Variants in SRD5A2 observed in about 807,000 individuals in gnomAD.
SRD5A2 encodes the protein 3-oxo-5-alpha-steroid 4-dehydrogenase 2.
Under a neutral mutation model 27.4 loss-of-function variants are expected in SRD5A2, and 30 were observed. That is an observed-to-expected ratio of 1.10 (90% CI 0.82 to 1.49). The LOEUF (loss-of-function observed/expected upper bound fraction) is 1.49, where lower values mean the gene tolerates loss of function less well. Ranked by LOEUF, SRD5A2 falls within the 40% of genes most tolerant of loss-of-function variation. The probability of loss-of-function intolerance (pLI) is 0.00; values close to 1 mark genes in which losing one functional copy is unlikely to be tolerated. For synonymous variants in SRD5A2, 141 were observed against 133.6 expected, an observed-to-expected ratio of 1.06 and a Z score of -0.38; for missense variants, 348 against 323.4, an observed-to-expected ratio of 1.08 and a Z score of -0.58.
intron 1 of SRD5A2, among the ~76,000 whole-genome samples, chr2:31,559,018 C>G (rs1306616719): frequency 6.6e-6 from 1 of 152,168 alleles, no homozygotes; most frequent in Non-Finnish European, 1.5e-5. Flanking sequence ...ATGCTTCAAC[C>G]CAGTACACAG....
the SRD5A2 span, among the ~76,000 whole-genome samples, chr2:31,629,339 C>A: frequency 6.6e-6 from 1 of 152,144 alleles, no homozygotes; most frequent in Non-Finnish European, 1.5e-5. Flanking sequence ...CGGCCCACCA[C>A]CATCTTGGGA....
chr2:31,640,414 A>C, the SRD5A2 span, among the ~76,000 whole-genome samples: 1 of 151,700 alleles, frequency 6.6e-6, no homozygotes, highest in East Asian at 1.9e-4. Context: ...GTGAGTTTTT[A>C]TTTATGTCTT....
intron 1 of SRD5A2, among the ~76,000 whole-genome samples, chr2:31,577,674 G>A (rs767933796): frequency 6.6e-5 from 10 of 152,076 alleles, no homozygotes; most frequent in South Asian, 2.1e-4. Flanking sequence ...CTGTCTCTCC[G>A]TCTTATTCTC....
At chr2:31,629,883 T>G in the SRD5A2 span, among the ~76,000 whole-genome samples, 1 of 152,190 alleles carries the variant, frequency 6.6e-6, no homozygotes, top group Non-Finnish European at 1.5e-5. Flanking sequence ...GGTTCAGACT[T>G]TCATTTCCTC....
At chr2:31,662,667 A>C in the SRD5A2 span, among the ~76,000 whole-genome samples, 3 of 152,102 alleles carry the variant, frequency 2.0e-5, no homozygotes, top group East Asian at 5.8e-4. Flanking sequence ...AAAATCATTT[A>C]GTCCTGTAAT....
At chr2:31,567,212 G>A (rs952818089) in intron 1 of SRD5A2, among the ~76,000 whole-genome samples, 1 of 152,076 alleles carries the variant, frequency 6.6e-6, no homozygotes, top group African/African-American at 2.4e-5. Flanking sequence ...TTTCCCTTGA[G>A]TAGAATTCCT....
chr2:31,531,693 C>T (rs976115997), intron 2 of SRD5A2, among the ~76,000 whole-genome samples: 9 of 152,148 alleles, frequency 5.9e-5, no homozygotes, highest in African/African-American at 1.4e-4. Flanking sequence ...TACACAGTGG[C>T]ACCACTGATG....
At chr2:31,581,662 T>C (rs904313219), upstream of SRD5A2, among the ~76,000 whole-genome samples, 1 of 152,060 alleles carries the variant, frequency 6.6e-6, no homozygotes, top group African/African-American at 2.4e-5. Context: ...CATGCACAGA[T>C]TGGGGCCAGA....
At chr2:31,607,885 C>T in the SRD5A2 span, among the ~76,000 whole-genome samples, 1 of 151,912 alleles carries the variant, frequency 6.6e-6, no homozygotes, top group Non-Finnish European at 1.5e-5. Context: ...ATTATTAGCT[C>T]ATGAGGGTGG....
At chr2:31,655,022 T>C in the SRD5A2 span, among the ~76,000 whole-genome samples, 1 of 152,318 alleles carries the variant, frequency 6.6e-6, no homozygotes, top group South Asian at 2.1e-4. Flanking sequence ...GGAGGGGAAA[T>C]ATCAGTTATG....
chr2:31,661,229 T>C, the SRD5A2 span, among the ~76,000 whole-genome samples: 2 of 152,162 alleles, frequency 1.3e-5, no homozygotes, highest in Admixed American at 1.3e-4. Context: ...CCATTTCCAT[T>C]TGACAAGTAG....
chr2:31,585,775 T>C (rs62141255), upstream of SRD5A2, among the ~76,000 whole-genome samples: 12,587 of 152,074 alleles, frequency 0.083, 601 homozygotes, highest in Middle Eastern at 0.17. Context: ...TTCCAAGAGT[T>C]GACTCTTCAA....
the SRD5A2 span, among the ~76,000 whole-genome samples, chr2:31,607,149 A>G: frequency 6.6e-6 from 1 of 152,076 alleles, no homozygotes; most frequent in African/African-American, 2.4e-5. Flanking sequence ...AGCATCAGTT[A>G]TCTTATAGAT....
rs566378490 is a variant in SRD5A2 at position 31,525,222 on chromosome 2, A to G, written c.*974T>C. 5 of 222,508 alleles carry G rather than the reference A, an allele frequency of 2.2e-5. No homozygotes were observed. Among genetic ancestry groups the G allele is most frequent in the African/African-American group, 8.9e-5 (4 of 44,844 alleles). The allele number at this position is 222,508 out of a possible 1,614,324, so 13.8% of individuals were successfully genotyped here. ...AACTACAAGGAAGAAGCTCCAGGAA[A>G]GGAAAGTTGCTTGGGGCTTCTGCTG... On this transcript the variant is annotated 3_prime_UTR_variant, in exon 5 of 5. Coordinates refer to ENST00000622030, the MANE Select transcript of SRD5A2 (RefSeq NM_000348.4).
chr2:31,653,359 C>A, the SRD5A2 span, among the ~76,000 whole-genome samples: 7 of 152,328 alleles, frequency 4.6e-5, no homozygotes, highest in Middle Eastern at 0.017. Context: ...AAGGACTGCT[C>A]ATTTACACCT....
chr2:31,605,046 C>A, the SRD5A2 span, among the ~76,000 whole-genome samples: 1 of 151,660 alleles, frequency 6.6e-6, no homozygotes, highest in African/African-American at 2.4e-5. Context: ...AGAACATACT[C>A]CAGGGAAAAT....
rs61750400 is a variant in SRD5A2 at position 31,525,937 on chromosome 2, A to G, written c.*259T>C. ...GGAGAAGTTTGTACTTTCTCAGAGCAATAGCTAAGAAGCAACTGTCGCCAT... is the reference window on the plus strand; with the variant it reads ...GGAGAAGTTTGTACTTTCTCAGAGCGATAGCTAAGAAGCAACTGTCGCCAT... On this transcript the variant is annotated 3_prime_UTR_variant, in exon 5 of 5. Coordinates refer to ENST00000622030, the MANE Select transcript of SRD5A2 (RefSeq NM_000348.4). 1,137 of 388,266 alleles carry G rather than the reference A, an allele frequency of 2.9e-3. 20 individuals are homozygous for G. The highest frequency in any genetic ancestry group is 0.021 in the African/African-American group (1,060 of 49,466). 24.1% of individuals were successfully genotyped at this position (388,266 alleles called of 1,614,324 possible).
intron 1 of SRD5A2, among the ~76,000 whole-genome samples, chr2:31,578,364 T>A (rs944425184): frequency 3.6e-3 from 1 of 274 alleles, no homozygotes; most frequent in Admixed American, 0.042. Flanking sequence ...AGATCTGGAG[T>A]CTACTGCCTG....
At chr2:31,566,714 T>C (rs2148093850) in intron 1 of SRD5A2, among the ~76,000 whole-genome samples, 1 of 152,344 alleles carries the variant, frequency 6.6e-6, no homozygotes, top group East Asian at 1.9e-4. Context: ...AGTGTGACTT[T>C]TAAAATCCCT....
Sources: gnomAD v4.1 joint callset for allele counts (sites outside exome capture counted in the v4.1 genomes callset) on GRCh38, gnomAD v4.1.1 for gene constraint, MANE v1.5 for transcripts, NCBI Gene and HGNC (gene_info 2026-07-23, HGNC 2026-07-21) for gene names.